TULP4: variants seen among roughly 807,000 people sequenced by gnomAD.
The protein encoded by TULP4 is tubby-related protein 4.
A neutral mutation model predicts 129.0 loss-of-function variants in TULP4; 16 were observed. The observed-to-expected ratio is 0.12, with a 90% CI of 0.08 to 0.19. TULP4 has a LOEUF of 0.19. Among genes scored for constraint, TULP4 ranks in the 10% least tolerant of loss-of-function variants. The pLI is 1.00. For synonymous variants in TULP4, 998 were observed against 854.0 expected, an observed-to-expected ratio of 1.17 and a Z score of -2.94; for missense variants, 1,842 against 2,059.1, an observed-to-expected ratio of 0.89 and a Z score of 2.04.
intron 1 of TULP4, among the ~76,000 whole-genome samples, chr6:158,318,226 G>A (rs1013167799): frequency 6.6e-6 from 1 of 152,168 alleles, no homozygotes; most frequent in African/African-American, 2.4e-5. Context: ...TTGGGAAGCT[G>A]AGGCGGGAAG....
intron 3 of TULP4, among the ~76,000 whole-genome samples, chr6:158,441,561 C>T (rs1778899956): frequency 6.6e-6 from 1 of 152,172 alleles, no homozygotes; most frequent in African/African-American, 2.4e-5. Flanking sequence ...GGCACTGCTG[C>T]TCTACAGCCC....
chr6:158,352,298 ATT>A (rs1201633731), intron 1 of TULP4, among the ~76,000 whole-genome samples: 1 of 152,224 alleles, frequency 6.6e-6, no homozygotes, highest in Admixed American at 6.5e-5. Flanking sequence ...TTTGTTGTTA[ATT>A]AAAGGATATA....
Position 158,501,803 on chromosome 6 carries a change from C to T in TULP4, c.2140C>T (p.Leu714=). The T allele has an allele frequency of 1.2e-6, 2 of 1,614,188 alleles. No individual in the cohort carries two copies. Among genetic ancestry groups the T allele is most frequent in the Middle Eastern group, 1.6e-4 (1 of 6,062 alleles). ...TQSIGLVQSL[L]ANQNVQLDVL... Reference sequence around the variant, plus strand: ...GAGCATAGGGCTGGTGCAGTCCCTACTGGCCAATCAGAATGTGCAGCTAGA... The same window carrying T: ...GAGCATAGGGCTGGTGCAGTCCCTATTGGCCAATCAGAATGTGCAGCTAGA... The change falls in exon 13 of 14, where the codon CTG becomes TTG. Residue 714 remains leucine (L), a synonymous_variant. Coordinates refer to ENST00000367097, the MANE Select transcript of TULP4 (RefSeq NM_020245.5).
At position 158,470,777 on chromosome 6, in the gene TULP4, C is replaced by A. The variant is rs1481548805; in HGVS notation, c.1027-8974C>A. The stretch of plus-strand genomic sequence containing the variant: ...GTCACATGGTAAAAGATTTTTCGTT[C>A]ATTCAGTCATCTTTATTGAGCCATC... On this transcript the variant is annotated intron_variant, in intron 6 of 13. Coordinates refer to ENST00000367097, the MANE Select transcript of TULP4 (RefSeq NM_020245.5). Among the ~76,000 whole-genome samples, 3 of 152,184 alleles carry A rather than the reference C, an allele frequency of 2.0e-5. No individual in the cohort carries two copies. In the East Asian group the frequency reaches 5.8e-4, roughly 29 times the overall value.
At chr6:158,242,332 C>T in intron 1 of TULP4, 3 of 1,537,902 alleles carry the variant, frequency 2.0e-6, no homozygotes, top group Non-Finnish European at 2.7e-6. Flanking sequence ...CTCTCTGGAG[C>T]CACTTTTTCC....
intron 1 of TULP4, among the ~76,000 whole-genome samples, chr6:158,409,555 C>T (rs1359685823): frequency 6.6e-6 from 1 of 152,172 alleles, no homozygotes; most frequent in African/African-American, 2.4e-5. Flanking sequence ...AGCTGGCCCC[C>T]AGCTGGTAAT....
intron 1 of TULP4, among the ~76,000 whole-genome samples, chr6:158,391,843 TA>T (rs34780397): frequency 0.66 from 100,222 of 151,990 alleles, 33,537 homozygotes; most frequent in Middle Eastern, 0.73. Flanking sequence ...CTCTAGTGGC[TA>T]AGCATGCTTT....
intron 1 of TULP4, among the ~76,000 whole-genome samples, chr6:158,242,998 A>G (rs563953805): frequency 5.3e-5 from 8 of 152,304 alleles, no homozygotes; most frequent in African/African-American, 1.9e-4. Flanking sequence ...TATGTTGGCT[A>G]GGCTGGTCTC....
chr6:158,480,946 G>A (rs143434971), intron 7 of TULP4, 109 bp from the exon 8 acceptor site: 1 of 973,740 alleles, frequency 1.0e-6, no homozygotes, highest in Non-Finnish European at 1.5e-6. Context: ...CCTGTGCTCT[G>A]TCTGGAACAG....
At chr6:158,339,221 C>T (rs201432114) in intron 1 of TULP4, among the ~76,000 whole-genome samples, 6 of 152,100 alleles carry the variant, frequency 3.9e-5, no homozygotes, top group South Asian at 2.1e-4. Flanking sequence ...GCCCCCGAGC[C>T]GTAAAACCAG....
rs574115276 is a variant in TULP4 at position 158,353,815 on chromosome 6, A to G, written c.252+39547A>G. Among the ~76,000 whole-genome samples the G allele has an allele frequency of 3.9e-5, 6 of 152,388 alleles. No homozygotes were observed. In the South Asian group the frequency reaches 1.2e-3, roughly 32 times the overall value. On this transcript the variant is annotated intron_variant, in intron 1 of 13. Transcript: ENST00000367097. ...TGAAATTGTTTCTGGAGATTAAAAC[A>G]AAGTGAATTCTCTAACAATAAAAAT...
chr6:158,452,037 G>T, intron 4 of TULP4, 97 bp from the exon 5 acceptor site: 1 of 1,548,420 alleles, frequency 6.5e-7, no homozygotes. Flanking sequence ...TGCATTGTCA[G>T]GCAATTTCTA....
upstream of TULP4, among the ~76,000 whole-genome samples, chr6:158,277,668 CTTGGTTACACT>C (rs1171243577): frequency 6.6e-6 from 1 of 152,128 alleles, no homozygotes; most frequent in East Asian, 1.9e-4. Flanking sequence ...TCACACTAGG[CTTGGTTACACT>C]GAGTTTCTGG....
upstream of TULP4, among the ~76,000 whole-genome samples, chr6:158,282,024 TA>T (rs1385962003): frequency 4.6e-5 from 7 of 152,192 alleles, no homozygotes; most frequent in Admixed American, 1.3e-4. Flanking sequence ...TAGTTTGCAT[TA>T]ACATTTTTGC....
At chr6:158,240,614 C>CA (rs1190315755) in intron 1 of TULP4, among the ~76,000 whole-genome samples, 1 of 103,300 alleles carries the variant, frequency 9.7e-6, no homozygotes, top group Admixed American at 1.0e-4. Flanking sequence ...AGGCGCCCCT[C>CA]ACCTCCCAGA....
chr6:158,434,207 C>T (rs1778699770), intron 3 of TULP4, among the ~76,000 whole-genome samples: 1 of 152,122 alleles, frequency 6.6e-6, no homozygotes, highest in Admixed American at 6.5e-5. Context: ...ATTTGGGGTT[C>T]AACACATTTG....
intron 1 of TULP4, among the ~76,000 whole-genome samples, chr6:158,364,841 A>G (rs944953762): frequency 1.3e-5 from 2 of 152,014 alleles, no homozygotes; most frequent in African/African-American, 4.8e-5. Flanking sequence ...GGTTGACGCC[A>G]TTCTCCTGAC....
intron 3 of TULP4, among the ~76,000 whole-genome samples, chr6:158,431,245 A>G (rs1357491754): frequency 6.6e-6 from 1 of 152,042 alleles, no homozygotes; most frequent in African/African-American, 2.4e-5. Context: ...TTCCTGTATC[A>G]GTTTCTCCTG....
intron 1 of TULP4, among the ~76,000 whole-genome samples, chr6:158,241,078 C>T (rs1370959025): frequency 1.4e-5 from 2 of 139,364 alleles, no homozygotes; most frequent in Non-Finnish European, 1.6e-5. Flanking sequence ...GGGGTCTCGG[C>T]CGGGCAGAGG....
Sources: allele counts gnomAD v4.1 joint callset (sites outside exome capture counted in the v4.1 genomes callset), GRCh38; gene constraint gnomAD v4.1.1; transcripts MANE v1.5; gene names NCBI Gene and HGNC (gene_info 2026-07-23, HGNC 2026-07-21).